Variants in SORCS3 observed in about 807,000 individuals in gnomAD.
SORCS3 encodes sortilin related VPS10 domain containing receptor 3, also known as VPS10 domain-containing receptor SorCS3.
A neutral mutation model predicts 146.3 loss-of-function variants in SORCS3; 57 were observed. The observed-to-expected ratio is 0.39, with a 90% CI of 0.31 to 0.49. SORCS3 has a LOEUF of 0.49. Ranked by LOEUF, SORCS3 falls within the 20% of genes least tolerant of loss-of-function variation. The probability of loss-of-function intolerance (pLI) is 0.92; values close to 1 mark genes in which losing one functional copy is unlikely to be tolerated. For synonymous variants in SORCS3, 653 were observed against 618.5 expected, an observed-to-expected ratio of 1.06 and a Z score of -0.83; for missense variants, 1,341 against 1,575.5, an observed-to-expected ratio of 0.85 and a Z score of 2.52.
chr10:105,148,947 T>A (rs950557867), intron 9 of SORCS3, among the ~76,000 whole-genome samples: 6 of 152,102 alleles, frequency 3.9e-5, no homozygotes, highest in African/African-American at 1.4e-4. Context: ...TAGGGGTAGT[T>A]TTCACATACT....
chr10:105,118,335 T>G (rs2055907327), intron 7 of SORCS3, among the ~76,000 whole-genome samples: 1 of 152,126 alleles, frequency 6.6e-6, no homozygotes, highest in Non-Finnish European at 1.5e-5. Flanking sequence ...CTGTCATGAT[T>G]GTAAGTTTCC....
rs146889476 is a variant in SORCS3 at position 105,246,905 on chromosome 10, G to A, written c.2993-314G>A. ...TTAATGCTTTGTGTTGGCTCTTCCT[G>A]GTACCACCTACAGTAGCAGACGTCT... On this transcript the variant is annotated intron_variant, in intron 21 of 26. Coordinates refer to ENST00000369701, the MANE Select transcript of SORCS3 (RefSeq NM_014978.3). 3.0e-3 allele frequency among the ~76,000 whole-genome samples: 460 copies of A among 152,270 alleles called. 1 individual carries two copies. The highest frequency in any genetic ancestry group is 5.4e-3 in the Non-Finnish European group (369 of 68,012).
At chr10:105,087,342 G>T (rs567822056) in intron 5 of SORCS3, among the ~76,000 whole-genome samples, 1 of 152,266 alleles carries the variant, frequency 6.6e-6, no homozygotes, top group South Asian at 2.1e-4. Context: ...TTGTAGTATG[G>T]TTTGAAGTCA....
intron 1 of SORCS3, among the ~76,000 whole-genome samples, chr10:104,722,184 T>G (rs1380553709): frequency 6.6e-6 from 1 of 152,212 alleles, no homozygotes; most frequent in Admixed American, 6.5e-5. Context: ...GTTTTTAGCA[T>G]GAAGGGTTGT....
chr10:104,714,513 A>T (rs1403637824), intron 1 of SORCS3, among the ~76,000 whole-genome samples: 1 of 152,194 alleles, frequency 6.6e-6, no homozygotes, highest in Non-Finnish European at 1.5e-5. Flanking sequence ...ACCCAAAGTT[A>T]TTTAGAAATG....
intron 5 of SORCS3, among the ~76,000 whole-genome samples, chr10:105,047,135 A>G (rs1291873540): frequency 6.6e-6 from 1 of 151,386 alleles, no homozygotes; most frequent in Non-Finnish European, 1.5e-5. Flanking sequence ...CTGCAGTGGG[A>G]AGATTTTTTT....
At chr10:105,122,960 T>C (rs573286811) in intron 7 of SORCS3, among the ~76,000 whole-genome samples, 11 of 152,334 alleles carry the variant, frequency 7.2e-5, no homozygotes, top group Admixed American at 5.2e-4. Flanking sequence ...CATTAACTCA[T>C]TGGGTGATCT....
At chr10:104,748,058 A>G (rs1033024873) in intron 1 of SORCS3, among the ~76,000 whole-genome samples, 6 of 152,254 alleles carry the variant, frequency 3.9e-5, no homozygotes, top group African/African-American at 1.4e-4. Context: ...TGTAGTAAGC[A>G]CAATAACCAA....
chr10:105,244,953 C>G (rs1589708037), intron 20 of SORCS3, among the ~76,000 whole-genome samples: 1 of 151,202 alleles, frequency 6.6e-6, no homozygotes, highest in Admixed American at 6.6e-5. Context: ...CCTGTAGTCC[C>G]AGCTACTAGG....
intron 1 of SORCS3, among the ~76,000 whole-genome samples, chr10:104,826,263 C>T (rs114921244): frequency 0.017 from 2,649 of 152,228 alleles, 94 homozygotes; most frequent in African/African-American, 0.058. Flanking sequence ...GCATGCTCAC[C>T]TTGGCCCTTC....
At chr10:104,666,907 C>T (rs1247142126) in intron 1 of SORCS3, among the ~76,000 whole-genome samples, 1 of 151,930 alleles carries the variant, frequency 6.6e-6, no homozygotes, top group African/African-American at 2.4e-5. Context: ...AAATAACCTG[C>T]CTAAGGTAAC....
chr10:105,249,610 G>A (rs967346310), intron 22 of SORCS3, among the ~76,000 whole-genome samples: 11 of 152,182 alleles, frequency 7.2e-5, no homozygotes, highest in Admixed American at 2.6e-4. Context: ...GGCTGGGAGC[G>A]GTGGCTCATG....
rs546778501 is a variant in SORCS3, at chr10:104,828,500, C to A, written c.628-14292C>A. ...AATTACAAAGTAACATCAAAGATCA[C>A]TCATCACAGGTCATCATAACAGATA... On this transcript the variant is annotated intron_variant, in intron 1 of 26. Coordinates refer to ENST00000369701, the MANE Select transcript of SORCS3 (RefSeq NM_014978.3). Among the ~76,000 whole-genome samples, 6 of 152,250 alleles carry A rather than the reference C, an allele frequency of 3.9e-5. No homozygotes were observed. The East Asian group carries it at 1.2e-3, about 29-fold the overall frequency.
At chr10:104,988,413 T>A (rs964486742) in intron 4 of SORCS3, among the ~76,000 whole-genome samples, 1 of 152,278 alleles carries the variant, frequency 6.6e-6, no homozygotes, top group East Asian at 1.9e-4. Flanking sequence ...AGTGGGACTT[T>A]GAGGGTAGAA....
At chr10:105,260,579 C>T (rs1374417970) in intron 25 of SORCS3, among the ~76,000 whole-genome samples, 2 of 152,148 alleles carry the variant, frequency 1.3e-5, no homozygotes, top group African/African-American at 4.8e-5. Context: ...GACATGAAAA[C>T]TGAATGTAAA....
intron 23 of SORCS3, among the ~76,000 whole-genome samples, chr10:105,253,988 A>G (rs1021057559): frequency 2.0e-5 from 3 of 152,256 alleles, no homozygotes; most frequent in Non-Finnish European, 2.9e-5. Context: ...AGTGATGAAT[A>G]GCAGCTGTGA....
intron 1 of SORCS3, among the ~76,000 whole-genome samples, chr10:104,730,946 G>A (rs534596440): frequency 3.3e-5 from 5 of 152,340 alleles, no homozygotes; most frequent in African/African-American, 1.2e-4. Flanking sequence ...GGGACACAGA[G>A]CCAAATGCTG....
At chr10:105,216,883 T>C in intron 18 of SORCS3, 53 bp from the exon 19 acceptor site, 2 of 1,577,812 alleles carry the variant, frequency 1.3e-6, no homozygotes, top group Non-Finnish European at 1.7e-6. Context: ...AAGCATCAGA[T>C]AGGAGTCTGG....
At chr10:104,745,179 G>T (rs2016893089) in intron 1 of SORCS3, among the ~76,000 whole-genome samples, 1 of 152,124 alleles carries the variant, frequency 6.6e-6, no homozygotes, top group African/African-American at 2.4e-5. Flanking sequence ...TCCTACTCAA[G>T]ATTTTACCAA....
Sources: allele counts gnomAD v4.1 joint callset (sites outside exome capture counted in the v4.1 genomes callset), GRCh38; gene constraint gnomAD v4.1.1; transcripts MANE v1.5; gene names NCBI Gene and HGNC (gene_info 2026-07-23, HGNC 2026-07-21).